ACSM3: variants seen among roughly 807,000 people sequenced by gnomAD.
ACSM3 encodes acyl-CoA synthetase medium chain family member 3.
A neutral mutation model predicts 74.1 loss-of-function variants in ACSM3; 61 were observed. The observed-to-expected ratio is 0.82, with a 90% CI of 0.67 to 1.02. The LOEUF (loss-of-function observed/expected upper bound fraction) is 1.02, where lower values mean the gene tolerates loss of function less well. ACSM3 is among the 50% of genes least tolerant of loss of function. ACSM3 has a pLI of 0.00. For synonymous variants in ACSM3, 213 were observed against 241.5 expected (o/e 0.88, Z 1.09); for missense variants, 660 against 697.0 (o/e 0.95, Z 0.60).
intron 1 of ACSM3, among the ~76,000 whole-genome samples, chr16:20,704,308 T>C (rs1394024107): frequency 1.3e-5 from 2 of 152,226 alleles, no homozygotes; most frequent in African/African-American, 2.4e-5. Flanking sequence ...TTTTTACTAA[T>C]GAGAATATTG....
chr16:20,722,749 G>C (rs1431753861), intron 1 of ACSM3, among the ~76,000 whole-genome samples: 3 of 152,180 alleles, frequency 2.0e-5, no homozygotes, highest in Non-Finnish European at 4.4e-5. Context: ...CATACTTTGG[G>C]TTGTTCTCAA....
chr16:20,745,642 A>G (rs1047114908), intron 1 of ACSM3, among the ~76,000 whole-genome samples: 1 of 152,178 alleles, frequency 6.6e-6, no homozygotes, highest in Non-Finnish European at 1.5e-5. Flanking sequence ...GGCACCATCT[A>G]GAGTAGATTA....
intron 1 of ACSM3, among the ~76,000 whole-genome samples, chr16:20,723,890 T>A (rs1596485550): frequency 6.6e-6 from 1 of 152,228 alleles, no homozygotes; most frequent in Admixed American, 6.5e-5. Flanking sequence ...TTTAATTAGA[T>A]CCCATTTGTC....
In ACSM3 at chr16:20,785,020, T is replaced by C. The variant is rs749349259; in HGVS notation, c.1056T>C (p.Ala352=). Residue 352 remains alanine (A), a synonymous_variant, in exon 8 of 14, where the codon GCT becomes GCC. Coordinates refer to ENST00000289416, the MANE Select transcript of ACSM3 (RefSeq NM_005622.4). ...KFKSLKHCVS[A]GEPITPDVTE... The stretch of plus-strand genomic sequence containing the variant: ...AAAGCTTAAAGCACTGTGTGAGTGC[T>C]GGGGAACCAATTACCCCTGACGTGA... 1.9e-6 allele frequency: 3 copies of C among 1,613,706 alleles called. No homozygotes were observed. The highest frequency in any genetic ancestry group is 2.2e-5 in the East Asian group (1 of 44,846).
At chr16:20,773,845 A>G (rs1384901030) in intron 2 of ACSM3, among the ~76,000 whole-genome samples, 1 of 152,212 alleles carries the variant, frequency 6.6e-6, no homozygotes, top group East Asian at 1.9e-4. Context: ...TAGCTGTTGG[A>G]TAAAATGTTG....
In ACSM3 at chr16:20,705,541, A is replaced by G. The variant is rs548069116; in HGVS notation, c.-190+30719A>G. On this transcript the variant is annotated intron_variant, in intron 1 of 3. Transcript: ENST00000561584. ...GAGGAGCTTCAAATTTTGTGTATAA[A>G]TTCTGCCCAAATCCATGGCTGATCC... is the stretch of plus-strand genomic sequence containing the variant. Among the ~76,000 whole-genome samples the G allele has an allele frequency of 2.6e-5, 4 of 152,336 alleles. No individual in the cohort carries two copies. In the South Asian group the frequency reaches 8.3e-4, roughly 32 times the overall value.
chr16:20,733,650 T>C (rs2079844742), intron 1 of ACSM3: 1 of 151,764 alleles, frequency 6.6e-6, no homozygotes, highest in African/African-American at 2.4e-5. Flanking sequence ...AAAGAAAAAA[T>C]ATTAGAACAC....
Position 20,790,859 on chromosome 16 carries a change from T to G in ACSM3, c.1326+171T>G. ...GAAATTGAAGAAATACCCAAATTCT[T>G]GCTGAAGAAAAGCATGCTGGTCCCC... On this transcript the variant is annotated intron_variant, in intron 10 of 13. Transcript: ENST00000289416. This position sits in a 1 kb window ranked among gnomAD's most constrained non-coding sequence, Gnocchi z 4.0. 6.2e-7 allele frequency: 1 copy of G among 1,614,072 alleles called. No homozygotes were observed. Among genetic ancestry groups the G allele is most frequent in the South Asian group, 1.1e-5 (1 of 91,080 alleles).
At chr16:20,726,767 A>G (rs2079807861) in intron 1 of ACSM3, among the ~76,000 whole-genome samples, 1 of 152,364 alleles carries the variant, frequency 6.6e-6, no homozygotes, top group East Asian at 1.9e-4. Flanking sequence ...GAGAGGATTA[A>G]GAGCCACCTC....
At chr16:20,739,019 G>A (rs768220799) in intron 1 of ACSM3, 34 of 1,613,964 alleles carry the variant, frequency 2.1e-5, no homozygotes, top group Admixed American at 5.0e-5. Flanking sequence ...GGCAGCCTCC[G>A]CATCATCATC....
At chr16:20,779,833 T>C (rs1300027357) in intron 4 of ACSM3, 2 of 185,536 alleles carry the variant, frequency 1.1e-5, no homozygotes, top group South Asian at 1.5e-4. Context: ...GTACGGTGGC[T>C]CGATCTTGGC....
intron 1 of ACSM3, among the ~76,000 whole-genome samples, chr16:20,718,105 A>T (rs947000527): frequency 6.6e-6 from 1 of 151,856 alleles, no homozygotes; most frequent in Non-Finnish European, 1.5e-5. Flanking sequence ...GGAGAAGGAA[A>T]AGGAGAAGAA....
chr16:20,734,262 A>C (rs1388032482), intron 1 of ACSM3: 1 of 152,620 alleles, frequency 6.6e-6, no homozygotes, highest in Non-Finnish European at 1.5e-5. Flanking sequence ...TTTGTCTTGC[A>C]CTATCAAAAT....
intron 2 of ACSM3, among the ~76,000 whole-genome samples, chr16:20,771,710 T>C (rs2080196307): frequency 6.6e-6 from 1 of 152,218 alleles, no homozygotes; most frequent in Admixed American, 6.5e-5. Flanking sequence ...AGTGCAGATA[T>C]CTCTTCAATA....
rs141403100 is a variant in ACSM3, at chr16:20,796,919, A to G, written c.1708A>G (p.Ser570Gly). The change falls in exon 14 of 14, where the codon AGT becomes GGT. Residue 570 changes from serine (S) to glycine (G), a missense_variant. Ser to Gly is a moderately conservative substitution (Grantham distance 56). Coordinates refer to ENST00000289416, the MANE Select transcript of ACSM3 (RefSeq NM_005622.4). ...TATTCAAGAGCTGCCAAAGACTATC[A>G]GTGGGAAGACAAAAAGAAATGAACT... The part of the protein sequence containing the change: ...EFIQELPKTI[S>G]GKTKRNELRK... The G allele has an allele frequency of 3.7e-6, 6 of 1,612,932 alleles. No individual in the cohort carries two copies. The African/African-American group carries it at 8.0e-5, about 22-fold the overall frequency.
chr16:20,772,080 T>C (rs947874168), intron 2 of ACSM3, among the ~76,000 whole-genome samples: 1 of 152,204 alleles, frequency 6.6e-6, no homozygotes, highest in Non-Finnish European at 1.5e-5. Flanking sequence ...TTAATTGAAT[T>C]ATTTGTTTTG....
At chr16:20,739,264 C>G (rs1011378432) in intron 1 of ACSM3, among the ~76,000 whole-genome samples, 5 of 151,834 alleles carry the variant, frequency 3.3e-5, no homozygotes, top group Non-Finnish European at 2.9e-5. Context: ...CAACCTCCGC[C>G]TCCTGGGTTC....
chr16:20,727,402 T>C, intron 1 of ACSM3: 1 of 563,610 alleles, frequency 1.8e-6, no homozygotes, highest in Non-Finnish European at 3.4e-6. Context: ...ACCCCGGAGG[T>C]GCTGGAGCAG....
At chr16:20,794,082 G>A (rs1345478236) in intron 12 of ACSM3, among the ~76,000 whole-genome samples, 3 of 152,120 alleles carry the variant, frequency 2.0e-5, no homozygotes, top group Non-Finnish European at 2.9e-5. Flanking sequence ...ATGTGAGTGG[G>A]TATCTCAAAC....
Sources: allele counts gnomAD v4.1 joint callset (sites outside exome capture counted in the v4.1 genomes callset), GRCh38; gene constraint gnomAD v4.1.1; non-coding constraint Gnocchi (gnomAD v3.1); transcripts MANE v1.5; gene names NCBI Gene and HGNC (gene_info 2026-07-23, HGNC 2026-07-21).